Variants in DOCK3 observed in about 807,000 individuals in gnomAD.
DOCK3 encodes dedicator of cytokinesis 3.
DOCK3 carries 60 observed loss-of-function variants against 265.6 expected under a neutral mutation model. The observed-to-expected ratio is 0.23, with a 90% CI of 0.18 to 0.28. The LOEUF is 0.28. Ranked by LOEUF, DOCK3 falls within the 10% of genes least tolerant of loss-of-function variation. The pLI is 1.00. For missense variants in DOCK3, 1,981 were observed against 2,594.3 expected (o/e 0.76, Z 5.14); for synonymous variants, 881 against 938.0 (o/e 0.94, Z 1.11).
At chr3:50,932,621 C>T (rs1327926437) in intron 4 of DOCK3, among the ~76,000 whole-genome samples, 3 of 152,192 alleles carry the variant, frequency 2.0e-5, no homozygotes, top group Admixed American at 6.5e-5. Flanking sequence ...GGTCCTATGA[C>T]AGCTGGTCCC....
chr3:51,243,178 C>G (rs2078686607), intron 21 of DOCK3, among the ~76,000 whole-genome samples: 1 of 152,170 alleles, frequency 6.6e-6, no homozygotes, highest in Admixed American at 6.5e-5. Flanking sequence ...CAAGTCAAGC[C>G]TAGGGGGATG....
intron 33 of DOCK3, 106 bp downstream of exon 33, chr3:51,330,329 C>A: frequency 9.6e-7 from 1 of 1,046,104 alleles, no homozygotes; most frequent in Non-Finnish European, 1.4e-6. Context: ...GGTTGGTCAT[C>A]AAGAGGGACC....
At chr3:50,983,345 G>T (rs1464357449) in intron 5 of DOCK3, among the ~76,000 whole-genome samples, 3 of 152,130 alleles carry the variant, frequency 2.0e-5, no homozygotes, top group African/African-American at 7.2e-5. Flanking sequence ...GGACCTGAAG[G>T]CTGGGGGCTG....
chr3:51,317,112 A>G (rs2083408793), intron 32 of DOCK3, among the ~76,000 whole-genome samples: 1 of 151,964 alleles, frequency 6.6e-6, no homozygotes, highest in Admixed American at 6.5e-5. Context: ...TAGATCTATG[A>G]TCTATTTTGA....
intron 1 of DOCK3, among the ~76,000 whole-genome samples, chr3:50,692,051 A>C (rs979267182): frequency 6.6e-6 from 1 of 151,716 alleles, no homozygotes; most frequent in African/African-American, 2.4e-5. Flanking sequence ...GGTAGCTGGG[A>C]CTACAGCTGT....
intron 5 of DOCK3, among the ~76,000 whole-genome samples, chr3:51,021,811 A>G (rs900270338): frequency 1.3e-5 from 2 of 151,914 alleles, no homozygotes; most frequent in African/African-American, 4.8e-5. Flanking sequence ...ACAGGTGCCC[A>G]CCACCACGCC....
chr3:51,235,327 A>T (rs1489926910), intron 19 of DOCK3, among the ~76,000 whole-genome samples: 1 of 152,208 alleles, frequency 6.6e-6, no homozygotes, highest in Non-Finnish European at 1.5e-5. Flanking sequence ...AGGTATTAAG[A>T]AGTCTGTTGT....
Position 51,214,115 on chromosome 3 carries a change from T to C in DOCK3, c.1127-7T>C, listed in dbSNP as rs1176002951. ...GTGGTTCTAAGAAAATGCTTTTGTT[T>C]TTGCAGGTCTTATCATTTCTCTGCA... On this transcript the variant is annotated splice_region_variant and splice_polypyrimidine_tract_variant and intron_variant, in intron 13 of 52. Coordinates refer to ENST00000266037, the MANE Select transcript of DOCK3 (RefSeq NM_004947.5). The C allele has an allele frequency of 1.2e-6, 2 of 1,613,696 alleles. No individual in the cohort carries two copies. The highest frequency in any genetic ancestry group is 1.7e-6 in the Non-Finnish European group (2 of 1,179,772).
At chr3:51,054,419 C>T (rs1232362602) in intron 5 of DOCK3, among the ~76,000 whole-genome samples, 4 of 152,026 alleles carry the variant, frequency 2.6e-5, no homozygotes, top group African/African-American at 9.7e-5. Context: ...CCCCAGTGTT[C>T]TGAAATTTTA....
intron 40 of DOCK3, among the ~76,000 whole-genome samples, chr3:51,352,842 A>G (rs898557290): frequency 6.6e-6 from 1 of 152,186 alleles, no homozygotes; most frequent in African/African-American, 2.4e-5. Flanking sequence ...CCAAGTGAAT[A>G]TGAAACCAAC....
chr3:51,377,332 A>G (rs903389097), intron 51 of DOCK3, among the ~76,000 whole-genome samples: 2 of 152,274 alleles, frequency 1.3e-5, no homozygotes, highest in Non-Finnish European at 2.9e-5. Flanking sequence ...GTAGCTCCCT[A>G]AGTCTCTACC....
chr3:51,291,176 G>A (rs2081747161), intron 27 of DOCK3, among the ~76,000 whole-genome samples: 1 of 152,100 alleles, frequency 6.6e-6, no homozygotes, highest in African/African-American at 2.4e-5. Flanking sequence ...GAAGTTTATA[G>A]CAATAAATGC....
intron 1 of DOCK3, among the ~76,000 whole-genome samples, chr3:50,768,123 A>G (rs2041024304): frequency 6.6e-6 from 1 of 152,072 alleles, no homozygotes; most frequent in African/African-American, 2.4e-5. Context: ...CTCCTGCCTG[A>G]TTGCCCTGGC....
At chr3:51,081,325 G>A (rs766822174) in intron 7 of DOCK3, among the ~76,000 whole-genome samples, 19 of 151,928 alleles carry the variant, frequency 1.3e-4, no homozygotes, top group Non-Finnish European at 2.4e-4. Flanking sequence ...TCATTGTTTC[G>A]TTTACCAACA....
At chr3:51,063,317 A>T (rs1266027753) in intron 5 of DOCK3, among the ~76,000 whole-genome samples, 1 of 152,140 alleles carries the variant, frequency 6.6e-6, no homozygotes, top group Non-Finnish European at 1.5e-5. Flanking sequence ...TGAGCTGATT[A>T]TATTACTGCA....
chr3:51,247,896 T>G (rs1485848059), intron 22 of DOCK3, among the ~76,000 whole-genome samples: 4 of 152,250 alleles, frequency 2.6e-5, no homozygotes, highest in Non-Finnish European at 5.9e-5. Flanking sequence ...CCCTAGCACC[T>G]GTCAGGTGCC....
intron 5 of DOCK3, among the ~76,000 whole-genome samples, chr3:50,946,696 G>A (rs900071023): frequency 2.0e-5 from 3 of 152,140 alleles, no homozygotes; most frequent in Non-Finnish European, 4.4e-5. Flanking sequence ...AGGGATTTCT[G>A]GAAATGCCAT....
chr3:51,249,116 C>A, intron 22 of DOCK3, among the ~76,000 whole-genome samples: 1 of 150,816 alleles, frequency 6.6e-6, no homozygotes, highest in African/African-American at 2.4e-5. Context: ...GGGTCAGCCC[C>A]CCGCCAGGCC....
At chr3:51,165,356 CATG>C (rs1462703680) in intron 12 of DOCK3, among the ~76,000 whole-genome samples, 1 of 152,212 alleles carries the variant, frequency 6.6e-6, no homozygotes, top group African/African-American at 2.4e-5. Context: ...AATTGTACAA[CATG>C]ATGATTTGAT....
Sources: allele counts gnomAD v4.1 joint callset (sites outside exome capture counted in the v4.1 genomes callset), GRCh38; gene constraint gnomAD v4.1.1; transcripts MANE v1.5; gene names NCBI Gene and HGNC (gene_info 2026-07-23, HGNC 2026-07-21).